Variants in ZNF638 observed in about 807,000 individuals in gnomAD.
ZNF638 encodes the protein CTCL tumor antigen se33-1.
A neutral mutation model predicts 195.6 loss-of-function variants in ZNF638; 46 were observed. The observed-to-expected ratio is 0.24, with a 90% CI of 0.19 to 0.30. ZNF638 has a LOEUF of 0.30. Among genes scored for constraint, ZNF638 ranks in the 10% least tolerant of loss-of-function variants. The pLI is 1.00. For missense variants in ZNF638, 2,440 were observed against 2,325.3 expected, an observed-to-expected ratio of 1.05 and a Z score of -1.01; for synonymous variants, 845 against 772.0, an observed-to-expected ratio of 1.09 and a Z score of -1.57.
At chr2:71,425,068 G>C (rs1049365973) in intron 23 of ZNF638, among the ~76,000 whole-genome samples, 1 of 152,126 alleles carries the variant, frequency 6.6e-6, no homozygotes, top group Admixed American at 6.5e-5. Context: ...CATTTGACTT[G>C]AGTCATCCTC....
At position 71,370,684 on chromosome 2, in the gene ZNF638, T is replaced by C. The variant is rs369918487; in HGVS notation, c.2265+679T>C. 4.6e-5 allele frequency among the ~76,000 whole-genome samples: 7 copies of C among 152,264 alleles called. No homozygotes were observed. In the South Asian group the frequency reaches 8.3e-4, roughly 18 times the overall value. On this transcript the variant is annotated intron_variant, in intron 8 of 27. Coordinates refer to ENST00000264447, the MANE Select transcript of ZNF638 (RefSeq NM_014497.5). ...TATTTTTATATCTTAAAAAAAATTATTGTATTTTTAATTTTTGTGGGTACA... is the reference window on the plus strand; with the variant it reads ...TATTTTTATATCTTAAAAAAAATTACTGTATTTTTAATTTTTGTGGGTACA...
At chr2:71,397,915 A>G (rs767214588) in intron 11 of ZNF638, among the ~76,000 whole-genome samples, 93 of 152,346 alleles carry the variant, frequency 6.1e-4, no homozygotes, top group Non-Finnish European at 1.1e-3. Flanking sequence ...GAATGAGTCA[A>G]AACAATCTTT....
intron 19 of ZNF638, among the ~76,000 whole-genome samples, chr2:71,406,507 AGT>A (rs111855288): frequency 0.019 from 2,897 of 152,302 alleles, 37 homozygotes; most frequent in Middle Eastern, 0.024. Context: ...AAGGTAATAT[AGT>A]GTAGACAGCA....
At chr2:71,422,046 A>T (rs996126615) in intron 21 of ZNF638, among the ~76,000 whole-genome samples, 1 of 152,178 alleles carries the variant, frequency 6.6e-6, no homozygotes, top group Admixed American at 6.5e-5. Flanking sequence ...AATATTACTT[A>T]CACATTTAAG....
rs1573168496 is a variant in ZNF638, at chr2:71,424,571, G to GT, written c.4525-73dup. ...TGGGTAATGTTTACTGTTTTTTTTT[G>GT]TTTTTTGTTTTTTTTTCCAGAACAT... On this transcript the variant is annotated intron_variant, in intron 22 of 27. Coordinates refer to ENST00000264447, the MANE Select transcript of ZNF638 (RefSeq NM_014497.5). The GT allele has an allele frequency of 2.8e-5, 33 of 1,185,608 alleles. 1 individual carries two copies. The highest frequency in any genetic ancestry group is 1.7e-4 in the East Asian group (7 of 41,626). 73.4% of individuals were successfully genotyped at this position (1,185,608 alleles called of 1,614,324 possible). A position where few individuals can be genotyped will look rare whatever the true frequency, so the allele number is the denominator to read the frequency against.
At chr2:71,428,792 G>A (rs1261355453) in intron 25 of ZNF638, 141 bp downstream of exon 25, 1 of 604,844 alleles carries the variant, frequency 1.7e-6, no homozygotes, top group Non-Finnish European at 2.9e-6. Flanking sequence ...GTTATTAGAT[G>A]TGGGTAACAT....
chr2:71,382,320 A>G (rs1396770697), intron 10 of ZNF638, among the ~76,000 whole-genome samples: 1 of 152,144 alleles, frequency 6.6e-6, no homozygotes, highest in Non-Finnish European at 1.5e-5. Flanking sequence ...TTTAAGTTTA[A>G]GGTCTAAATT....
At chr2:71,395,926 A>C (rs2079883572) in intron 10 of ZNF638, 1 of 593,934 alleles carries the variant, frequency 1.7e-6, no homozygotes, top group South Asian at 2.0e-5. Context: ...AGGTCAGTCT[A>C]ATGTTACTTG....
At chr2:71,427,875 G>A (rs1439652551) in intron 24 of ZNF638, among the ~76,000 whole-genome samples, 5 of 152,194 alleles carry the variant, frequency 3.3e-5, no homozygotes, top group Admixed American at 3.3e-4. Context: ...CGAACTTGAG[G>A]GAGATAAACA....
intron 10 of ZNF638, among the ~76,000 whole-genome samples, chr2:71,384,238 G>A (rs187715618): frequency 9.3e-4 from 142 of 152,172 alleles, no homozygotes; most frequent in African/African-American, 3.3e-3. Context: ...TTTGAACTTT[G>A]GAAGATAGCC....
chr2:71,339,600 A>G lies in ZNF638; in HGVS notation c.-203+7725A>G, dbSNP rs2078730542. ...GCTTCAGAAACAATTGGGACTGGAT[A>G]TTGAATACCTTCATTATTGTCTTTA... is the stretch of plus-strand genomic sequence containing the variant. On this transcript the variant is annotated intron_variant, in intron 1 of 27. Coordinates refer to ENST00000264447, the MANE Select transcript of ZNF638 (RefSeq NM_014497.5). 3.9e-5 allele frequency among the ~76,000 whole-genome samples: 6 copies of G among 152,358 alleles called. No individual in the cohort carries two copies. In the South Asian group the frequency reaches 1.2e-3, roughly 32 times the overall value.
chr2:71,406,475 AAT>A (rs2080107911), intron 19 of ZNF638, among the ~76,000 whole-genome samples: 1 of 152,296 alleles, frequency 6.6e-6, no homozygotes, highest in East Asian at 1.9e-4. Flanking sequence ...TTTAAGGAAA[AAT>A]AAGACTTACG....
intron 1 of ZNF638, among the ~76,000 whole-genome samples, chr2:71,334,981 A>G (rs2078640835): frequency 6.6e-6 from 1 of 152,086 alleles, no homozygotes; most frequent in South Asian, 2.1e-4. Context: ...TTTGGTTTGA[A>G]AAGAAAGTCC....
At chr2:71,371,917 A>G (rs935575824) in intron 8 of ZNF638, among the ~76,000 whole-genome samples, 2 of 151,900 alleles carry the variant, frequency 1.3e-5, no homozygotes, top group Non-Finnish European at 2.9e-5. Flanking sequence ...AAGTGGTCCC[A>G]TTTGTTCATT....
intron 6 of ZNF638, among the ~76,000 whole-genome samples, chr2:71,366,176 T>G (rs2079196111): frequency 6.6e-6 from 1 of 152,006 alleles, no homozygotes; most frequent in African/African-American, 2.4e-5. Context: ...GTGGTGGAAC[T>G]CCCTCTCTAC....
At position 71,404,006 on chromosome 2, in the gene ZNF638, A is replaced by G; in HGVS notation, c.2958+8A>G. On this transcript the variant is annotated splice_region_variant and intron_variant, in intron 17 of 27. Transcript: ENST00000264447. ...ATGAATATAAAAGATGAGGTAAATCAGACCACCATTTTTACTAGCTCTTAC... is the reference window on the plus strand; with the variant it reads ...ATGAATATAAAAGATGAGGTAAATCGGACCACCATTTTTACTAGCTCTTAC... The G allele has an allele frequency of 5.0e-6, 8 of 1,599,364 alleles. No homozygotes were observed. Among genetic ancestry groups the G allele is most frequent in the Non-Finnish European group, 6.8e-6 (8 of 1,175,036 alleles).
chr2:71,353,025 G>A (rs1353804929), intron 2 of ZNF638, among the ~76,000 whole-genome samples: 1 of 152,098 alleles, frequency 6.6e-6, no homozygotes, highest in African/African-American at 2.4e-5. Context: ...TTGTGAAGAT[G>A]GATTTCGATG....
At chr2:71,358,074 G>A (rs1025800719) in intron 3 of ZNF638, among the ~76,000 whole-genome samples, 5 of 152,100 alleles carry the variant, frequency 3.3e-5, no homozygotes, top group Admixed American at 3.3e-4. Context: ...CTAGTTTCTA[G>A]TGACTGGGGA....
At chr2:71,406,372 A>T in intron 19 of ZNF638, 110 bp downstream of exon 19, 2 of 927,142 alleles carry the variant, frequency 2.2e-6, no homozygotes, top group Non-Finnish European at 3.3e-6. Context: ...ATATTACTCA[A>T]CCACTTCGCA....
Sources: gnomAD v4.1 joint callset for allele counts (sites outside exome capture counted in the v4.1 genomes callset) on GRCh38, gnomAD v4.1.1 for gene constraint, MANE v1.5 for transcripts, NCBI Gene and HGNC (gene_info 2026-07-23, HGNC 2026-07-21) for gene names.